Variants in GRIK4 observed in about 807,000 individuals in gnomAD.
GRIK4 encodes glutamate receptor ionotropic, kainate 4.
GRIK4 carries 40 observed loss-of-function variants against 104.9 expected under a neutral mutation model. That is an observed-to-expected ratio of 0.38 (90% CI 0.30 to 0.50). GRIK4 has a LOEUF of 0.50. Among genes scored for constraint, GRIK4 ranks in the 20% least tolerant of loss-of-function variants. The probability of loss-of-function intolerance (pLI) is 0.93; values close to 1 mark genes in which losing one functional copy is unlikely to be tolerated. For synonymous variants in GRIK4, 485 were observed against 524.9 expected (o/e 0.92, Z 1.04); for missense variants, 1,047 against 1,308.1 (o/e 0.80, Z 3.08).
At chr11:120,698,062 CT>C (rs755644191) in intron 3 of GRIK4, among the ~76,000 whole-genome samples, 5 of 152,062 alleles carry the variant, frequency 3.3e-5, no homozygotes, top group Admixed American at 6.5e-5. Flanking sequence ...GGTGTCCCCC[CT>C]GGCTTTGTGT....
rs200724152 is a variant in GRIK4, at chr11:120,819,893, G to A, written c.484G>A (p.Ala162Thr). 56 of 1,613,832 alleles carry A rather than the reference G, an allele frequency of 3.5e-5. No homozygotes were observed. Among genetic ancestry groups the A allele is most frequent in the African/African-American group, 8.0e-5 (6 of 74,896 alleles). ...CCTGAACTTCTTCAACTGCACCACC[G>A]CCTGCCTCATCTGTGCCAAAGCAGA... Reference protein sequence around the residue: ...GILNFFNCTTACLICAKAECL... With the variant: ...GILNFFNCTTTCLICAKAECL... Residue 162 changes from alanine to threonine, a missense_variant, in exon 6 of 21, where the codon GCC becomes ACC. By Grantham distance (58) the Ala-to-Thr change is moderately conservative. Around this residue, in one of 3 missense-constraint regions of GRIK4, gnomAD observed 447 missense variants for 514.9 expected, o/e 0.87. Coordinates refer to ENST00000527524, the MANE Select transcript of GRIK4 (RefSeq NM_014619.5). The surrounding 1 kb of genome is among the most constrained non-coding windows in gnomAD (Gnocchi z 4.3).
At chr11:120,753,620 A>G (rs958959038) in intron 3 of GRIK4, among the ~76,000 whole-genome samples, 1 of 152,122 alleles carries the variant, frequency 6.6e-6, no homozygotes, top group South Asian at 2.1e-4. Flanking sequence ...ATCATTTTCA[A>G]TTCAACAAAT....
intron 1 of GRIK4, among the ~76,000 whole-genome samples, chr11:120,520,374 C>T (rs1035349746): frequency 1.3e-5 from 2 of 152,220 alleles, no homozygotes; most frequent in Admixed American, 6.5e-5. Context: ...CTGATTTCTT[C>T]GATCCCTGAG....
At chr11:120,726,747 G>A (rs139699737) in intron 3 of GRIK4, among the ~76,000 whole-genome samples, 1 of 151,606 alleles carries the variant, frequency 6.6e-6, no homozygotes, top group East Asian at 1.9e-4. Context: ...CATAGAAGTT[G>A]AGAGATGCAG....
chr11:120,526,554 C>A (rs1029377088), intron 1 of GRIK4, among the ~76,000 whole-genome samples: 1 of 152,164 alleles, frequency 6.6e-6, no homozygotes, highest in African/African-American at 2.4e-5. Context: ...GTTTTTAGGC[C>A]GGGCACAGTG....
At position 120,729,992 on chromosome 11, in the gene GRIK4, C is replaced by A. The variant is rs185485942; in HGVS notation, c.82+69592C>A. 5.2e-3 allele frequency among the ~76,000 whole-genome samples: 795 copies of A among 152,208 alleles called. 8 individuals carry two copies. Among genetic ancestry groups the A allele is most frequent in the African/African-American group, 0.018 (732 of 41,548 alleles). ...CATTCTTTTGCATATGGATATCTAG[C>A]TTTCCCAGCAACATTTATTGAAGAG... On this transcript the variant is annotated intron_variant, in intron 3 of 20. Coordinates refer to ENST00000527524, the MANE Select transcript of GRIK4 (RefSeq NM_014619.5).
At chr11:120,634,733 A>T (rs1410263449) in intron 1 of GRIK4, among the ~76,000 whole-genome samples, 1 of 152,096 alleles carries the variant, frequency 6.6e-6, no homozygotes, top group Admixed American at 6.5e-5. Flanking sequence ...AGACAGTGGG[A>T]GGTTCCTTGT....
At chr11:120,879,792 C>A (rs1030427887) in intron 11 of GRIK4, among the ~76,000 whole-genome samples, 4 of 152,150 alleles carry the variant, frequency 2.6e-5, no homozygotes, top group African/African-American at 9.7e-5. Context: ...CTCTGCTGTC[C>A]ATCTCATATC....
intron 3 of GRIK4, among the ~76,000 whole-genome samples, chr11:120,705,476 T>G (rs894370658): frequency 2.0e-5 from 3 of 152,186 alleles, no homozygotes; most frequent in Admixed American, 2.0e-4. Context: ...TTTGCCCACC[T>G]TGGACTCCCA....
chr11:120,715,254 G>A (rs1383963797), intron 3 of GRIK4, among the ~76,000 whole-genome samples: 2 of 152,178 alleles, frequency 1.3e-5, no homozygotes, highest in Admixed American at 1.3e-4. Context: ...AGGGGCCCTG[G>A]GGCACAGTCC....
intron 1 of GRIK4, among the ~76,000 whole-genome samples, chr11:120,626,882 C>T (rs571436509): frequency 2.0e-5 from 3 of 152,204 alleles, no homozygotes; most frequent in Non-Finnish European, 4.4e-5. Context: ...TATGATCTAC[C>T]CTAAAGAAAC....
chr11:120,527,484 G>A (rs1947869934), intron 1 of GRIK4, among the ~76,000 whole-genome samples: 1 of 152,212 alleles, frequency 6.6e-6, no homozygotes, highest in South Asian at 2.1e-4. Flanking sequence ...GGAGCAGGGA[G>A]CCGCTGCAAG....
intron 13 of GRIK4, among the ~76,000 whole-genome samples, chr11:120,921,995 T>A (rs1591286668): frequency 6.6e-6 from 1 of 151,960 alleles, no homozygotes; most frequent in Non-Finnish European, 1.5e-5. Flanking sequence ...AGGCTGGAGG[T>A]CACAGAGCAA....
chr11:120,833,157 C>G (rs1050896432), intron 7 of GRIK4, among the ~76,000 whole-genome samples: 1 of 150,910 alleles, frequency 6.6e-6, no homozygotes, highest in African/African-American at 2.4e-5. Context: ...AATGAGTTCT[C>G]TCAGTACTGA....
chr11:120,784,814 C>G (rs891388971), intron 3 of GRIK4, among the ~76,000 whole-genome samples: 17 of 151,998 alleles, frequency 1.1e-4, no homozygotes, highest in African/African-American at 4.1e-4. Flanking sequence ...ACCACCATCT[C>G]CCCAGTTCAT....
At chr11:120,831,783 G>A (rs1023623430) in intron 6 of GRIK4, 69 bp from the exon 7 acceptor site, 34 of 1,268,650 alleles carry the variant, frequency 2.7e-5, no homozygotes, top group Non-Finnish European at 3.8e-5. Context: ...GTGCCTTCCT[G>A]CTTCTGCCCA....
rs750493224 is a variant in GRIK4 at position 120,986,226 on chromosome 11, G to A, written c.2837G>A (p.Trp946Ter). The stretch of plus-strand genomic sequence containing the variant: ...GCCCGCAGCGAGGAGAGCCTGGAGT[G>A]GGAGAAAACCACCAACAGCAGCGAG... ...SPARSEESLE[W>*]EKTTNSSEPE The change falls in exon 21 of 21, where the codon TGG (tryptophan) becomes TAG (stop). Residue 946 changes from tryptophan (W) to a stop codon, truncating the protein, a stop_gained. Coordinates refer to ENST00000527524, the MANE Select transcript of GRIK4 (RefSeq NM_014619.5). LOFTEE classifies it high-confidence loss of function. 1.9e-6 allele frequency: 3 copies of A among 1,572,932 alleles called. No individual in the cohort carries two copies. Among genetic ancestry groups the A allele is most frequent in the African/African-American group, 1.4e-5 (1 of 71,538 alleles).
intron 13 of GRIK4, among the ~76,000 whole-genome samples, chr11:120,910,132 G>C (rs1450145735): frequency 3.9e-5 from 6 of 152,166 alleles, no homozygotes; most frequent in Non-Finnish European, 8.8e-5. Flanking sequence ...ACAATGCCAT[G>C]CTCTTGAACT....
chr11:120,658,727 C>CTTTTT lies in GRIK4; in HGVS notation c.-50-1507_-50-1503dup, dbSNP rs71050753. ...TCTGTCTAGGGGTTGGAGGACGAAA[C>CTTTTT]TTTTTTTTTTTTTTTTTTTTTTTTT... On this transcript the variant is annotated intron_variant, in intron 2 of 20. Transcript: ENST00000527524. Among the ~76,000 whole-genome samples the CTTTTT allele has an allele frequency of 8.8e-5, 5 of 56,746 alleles. 1 individual carries two copies. Among genetic ancestry groups the CTTTTT allele is most frequent in the Non-Finnish European group, 1.5e-4 (4 of 26,020 alleles). The allele number at this position is 56,746 out of a possible 152,430, so 37.2% of individuals were successfully genotyped here. A position where few individuals can be genotyped will look rare whatever the true frequency, so the allele number is the denominator to read the frequency against.
Sources: gnomAD v4.1 joint callset for allele counts (sites outside exome capture counted in the v4.1 genomes callset) on GRCh38, gnomAD v4.1.1 for gene constraint, gnomAD v4.1.1 regional missense constraint, Gnocchi (gnomAD v3.1) non-coding constraint, MANE v1.5 for transcripts, NCBI Gene and HGNC (gene_info 2026-07-23, HGNC 2026-07-21) for gene names.